Variants in NRG1 observed in about 807,000 individuals in gnomAD.
NRG1 encodes pro-neuregulin-1, membrane-bound isoform.
In NRG1, 18 loss-of-function variants were observed where a neutral mutation model predicts 63.8. The observed-to-expected ratio is 0.28, with a 90% CI of 0.19 to 0.42. The LOEUF is 0.42. Ranked by LOEUF, NRG1 falls within the 10% of genes least tolerant of loss-of-function variation. The pLI is 1.00. For missense variants in NRG1, 762 were observed against 814.7 expected (o/e 0.94, Z 0.79); for synonymous variants, 302 against 301.3 (o/e 1.00, Z -0.02).
intron 1 of NRG1, among the ~76,000 whole-genome samples, chr8:32,432,140 T>A (rs998377205): frequency 6.6e-6 from 1 of 152,064 alleles, no homozygotes; most frequent in African/African-American, 2.4e-5. Context: ...AGGAGTGAGA[T>A]CCTTGAAATA....
chr8:31,767,105 G>T (rs972892506), intron 1 of NRG1, among the ~76,000 whole-genome samples: 3 of 152,072 alleles, frequency 2.0e-5, no homozygotes, highest in South Asian at 2.1e-4. Context: ...CTGTAAGTTG[G>T]TCTTCCTCTT....
At chr8:32,161,377 G>A (rs1838808950) in intron 1 of NRG1, among the ~76,000 whole-genome samples, 1 of 152,082 alleles carries the variant, frequency 6.6e-6, no homozygotes, top group African/African-American at 2.4e-5. Context: ...TCACCTACAT[G>A]GGTCAAGAAC....
chr8:32,438,655 C>A (rs927395251), intron 1 of NRG1, among the ~76,000 whole-genome samples: 1 of 152,164 alleles, frequency 6.6e-6, no homozygotes, highest in Non-Finnish European at 1.5e-5. Context: ...TTCCTACCAG[C>A]AATGTGACAG....
At chr8:32,142,547 G>A (rs186160246) in intron 1 of NRG1, among the ~76,000 whole-genome samples, 29 of 152,288 alleles carry the variant, frequency 1.9e-4, no homozygotes, top group African/African-American at 6.3e-4. Flanking sequence ...GAGAAATTGT[G>A]TTTTCTAGCT....
At chr8:31,894,501 G>GCATAGGTTAT (rs1298363712) in intron 1 of NRG1, among the ~76,000 whole-genome samples, 2 of 151,354 alleles carry the variant, frequency 1.3e-5, no homozygotes, top group Non-Finnish European at 2.9e-5. Flanking sequence ...TAAATTGTTT[G>GCATAGGTTAT]CATAGGTTAT....
intron 1 of NRG1, among the ~76,000 whole-genome samples, chr8:31,719,487 A>G (rs1390509871): frequency 6.6e-6 from 1 of 152,142 alleles, no homozygotes; most frequent in Non-Finnish European, 1.5e-5. Flanking sequence ...AAGTTTGTGG[A>G]AAAGAAATAA....
chr8:31,909,616 G>C (rs1832781344), intron 1 of NRG1, among the ~76,000 whole-genome samples: 1 of 152,182 alleles, frequency 6.6e-6, no homozygotes, highest in South Asian at 2.1e-4. Flanking sequence ...GGCTGAATGT[G>C]TCTGTGCTGT....
At chr8:31,824,068 G>GTGTA (rs1248791559) in intron 1 of NRG1, among the ~76,000 whole-genome samples, 5 of 151,872 alleles carry the variant, frequency 3.3e-5, no homozygotes, top group Non-Finnish European at 5.9e-5. Context: ...TGCACAACGT[G>GTGTA]CAGGTTTGTT....
chr8:32,506,147 G>T (rs1468277688), intron 1 of NRG1, among the ~76,000 whole-genome samples: 1 of 152,166 alleles, frequency 6.6e-6, no homozygotes, highest in Non-Finnish European at 1.5e-5. Flanking sequence ...CTACATGAAG[G>T]CTGAGGCAGG....
At chr8:32,080,786 T>C (rs1052917128) in intron 1 of NRG1, among the ~76,000 whole-genome samples, 10 of 151,308 alleles carry the variant, frequency 6.6e-5, no homozygotes, top group Non-Finnish European at 1.0e-4. Flanking sequence ...TGTGTGTGTG[T>C]GTGTGTGTGT....
intron 1 of NRG1, among the ~76,000 whole-genome samples, chr8:31,654,355 G>T (rs1197963509): frequency 6.6e-6 from 1 of 152,212 alleles, no homozygotes; most frequent in Non-Finnish European, 1.5e-5. Context: ...TTGAAGCCGT[G>T]TAACAGGAGT....
In NRG1 at chr8:32,728,209, A is replaced by G; in HGVS notation, c.632+131A>G. ...TGTTGAATAATGCTGTTTTATATGT[A>G]GAGTGTTTTAAAACATTCACACCAT... On this transcript the variant is annotated intron_variant, in intron 6 of 11. Coordinates refer to ENST00000356819, the Ensembl canonical transcript of NRG1. The G allele has an allele frequency of 4.7e-6, 7 of 1,488,452 alleles. No homozygotes were observed. The South Asian group carries it at 8.6e-5, about 18-fold the overall frequency. The allele number at this position is 1,488,452 out of a possible 1,614,324, so 92.2% of individuals were successfully genotyped here. A position where few individuals can be genotyped will look rare whatever the true frequency, so the allele number is the denominator to read the frequency against.
At chr8:31,759,276 T>C (rs1817288616) in intron 1 of NRG1, among the ~76,000 whole-genome samples, 1 of 152,134 alleles carries the variant, frequency 6.6e-6, no homozygotes, top group Non-Finnish European at 1.5e-5. Context: ...TTTTCTGTTA[T>C]CATTAGTTTT....
intron 1 of NRG1, among the ~76,000 whole-genome samples, chr8:31,979,316 A>G (rs1298409376): frequency 6.6e-6 from 1 of 152,108 alleles, no homozygotes; most frequent in African/African-American, 2.4e-5. Flanking sequence ...TGTCTTCATT[A>G]TTCATTCTCT....
At position 32,548,308 on chromosome 8, in the gene NRG1, C is replaced by T; in HGVS notation, c.-419C>T. The T allele has an allele frequency of 1.0e-6, 1 of 992,144 alleles. No homozygotes were observed. Among genetic ancestry groups the T allele is most frequent in the Non-Finnish European group, 1.2e-6 (1 of 834,708 alleles). The allele number at this position is 992,144 out of a possible 1,614,324, so 61.5% of individuals were successfully genotyped here. A position where few individuals can be genotyped will look rare whatever the true frequency, so the allele number is the denominator to read the frequency against. On this transcript the variant is annotated 5_prime_UTR_variant, in exon 1 of 12. Coordinates refer to ENST00000356819, the Ensembl canonical transcript of NRG1. ...TGAAAAAGAGCCGGCGAGGAGTTCC[C>T]CGAAACTTGTTGGAACTCCGGGCTC...
At chr8:31,733,214 T>C (rs888567931) in intron 1 of NRG1, among the ~76,000 whole-genome samples, 3 of 151,634 alleles carry the variant, frequency 2.0e-5, no homozygotes, top group African/African-American at 7.3e-5. Flanking sequence ...TTCCCAGTCA[T>C]GCACTGATGG....
At chr8:31,759,957 C>T (rs1817359493) in intron 1 of NRG1, among the ~76,000 whole-genome samples, 1 of 152,096 alleles carries the variant, frequency 6.6e-6, no homozygotes, top group African/African-American at 2.4e-5. Context: ...GTTTTCTAGT[C>T]TTTGATATTG....
At chr8:31,730,743 G>T (rs762922053) in intron 1 of NRG1, among the ~76,000 whole-genome samples, 1 of 151,894 alleles carries the variant, frequency 6.6e-6, no homozygotes, top group Non-Finnish European at 1.5e-5. Context: ...ATAAAAATAC[G>T]AAGTACTTAG....
At chr8:31,818,355 C>T (rs1047921168) in intron 1 of NRG1, among the ~76,000 whole-genome samples, 3 of 152,118 alleles carry the variant, frequency 2.0e-5, no homozygotes, top group African/African-American at 7.2e-5. Context: ...CTTGTGTACA[C>T]ATTACATGAG....
Sources: gnomAD v4.1 joint callset for allele counts (sites outside exome capture counted in the v4.1 genomes callset) on GRCh38, gnomAD v4.1.1 for gene constraint, MANE v1.5 for transcripts, NCBI Gene and HGNC (gene_info 2026-07-23, HGNC 2026-07-21) for gene names.